Variants in NEGR1 observed in about 807,000 individuals in gnomAD.
NEGR1 encodes IgLON family member 4.
A neutral mutation model predicts 40.9 loss-of-function variants in NEGR1; 10 were observed. The ratio of observed to expected loss-of-function variants is 0.24; its 90% confidence interval spans 0.15 to 0.42. NEGR1 has a LOEUF of 0.42. NEGR1 is among the 10% of genes least tolerant of loss of function. The pLI is 1.00. For synonymous variants in NEGR1, 185 were observed against 166.8 expected (o/e 1.11, Z -0.84); for missense variants, 352 against 438.9 (o/e 0.80, Z 1.77).
intron 1 of NEGR1, among the ~76,000 whole-genome samples, chr1:72,077,494 T>TA (rs1251723290): frequency 3.3e-5 from 5 of 152,066 alleles, no homozygotes; most frequent in Admixed American, 1.3e-4. Context: ...ATAATTACTT[T>TA]AAAATTGTAT....
intron 1 of NEGR1, among the ~76,000 whole-genome samples, chr1:72,179,893 A>G (rs563296859): frequency 6.6e-6 from 1 of 152,214 alleles, no homozygotes; most frequent in African/African-American, 2.4e-5. Context: ...GAAGAAATAT[A>G]TAAATGGAAA....
intron 4 of NEGR1, among the ~76,000 whole-genome samples, chr1:71,676,192 T>TTG (rs1046505710): frequency 2.0e-5 from 3 of 152,122 alleles, no homozygotes; most frequent in Non-Finnish European, 2.9e-5. Context: ...AGGACACTTT[T>TTG]TGTGTGTGTG....
intron 5 of NEGR1, among the ~76,000 whole-genome samples, chr1:71,609,830 T>G (rs565796640): frequency 6.0e-4 from 91 of 152,308 alleles, no homozygotes; most frequent in African/African-American, 2.1e-3. Context: ...GAATTTAATT[T>G]GAATTGTAAT....
chr1:72,052,634 T>C lies in NEGR1; in HGVS notation c.177-117323A>G, dbSNP rs542145097. Among the ~76,000 whole-genome samples, 533 of 151,622 alleles carry C rather than the reference T, an allele frequency of 3.5e-3. 5 individuals are homozygous for C. The highest frequency in any genetic ancestry group is 5.4e-3 in the Non-Finnish European group (367 of 67,608). Reference sequence around the variant, plus strand: ...ATATTCAAGCAGGTGTCTTATCAAATAAATTAATTTTGAACAAAGTCAAAG... The same window carrying C: ...ATATTCAAGCAGGTGTCTTATCAAACAAATTAATTTTGAACAAAGTCAAAG... On this transcript the variant is annotated intron_variant, in intron 1 of 6. Coordinates refer to ENST00000357731, the MANE Select transcript of NEGR1 (RefSeq NM_173808.3).
At chr1:72,277,948 T>C (rs1012923578) in intron 1 of NEGR1, among the ~76,000 whole-genome samples, 1 of 152,166 alleles carries the variant, frequency 6.6e-6, no homozygotes, top group Non-Finnish European at 1.5e-5. Context: ...ATTTATTTTA[T>C]TGTAACTAAC....
At chr1:71,690,284 G>T (rs182893659) in intron 4 of NEGR1, among the ~76,000 whole-genome samples, 157 of 151,942 alleles carry the variant, frequency 1.0e-3, no homozygotes, top group Middle Eastern at 6.8e-3. Flanking sequence ...TGGCTTAAAA[G>T]AATTCAATCC....
At chr1:71,814,592 T>G (rs1201050188) in intron 2 of NEGR1, among the ~76,000 whole-genome samples, 1 of 152,086 alleles carries the variant, frequency 6.6e-6, no homozygotes, top group African/African-American at 2.4e-5. Flanking sequence ...TTTCAGAACT[T>G]ATTATTGGTC....
At chr1:72,041,482 T>A (rs959018103) in intron 1 of NEGR1, among the ~76,000 whole-genome samples, 8 of 150,074 alleles carry the variant, frequency 5.3e-5, no homozygotes, top group Non-Finnish European at 1.2e-4. Flanking sequence ...AAAGTGGGAG[T>A]TTTCTGTCTT....
chr1:71,908,510 C>G (rs1363371143), intron 2 of NEGR1, among the ~76,000 whole-genome samples: 2 of 152,066 alleles, frequency 1.3e-5, no homozygotes, highest in Admixed American at 6.6e-5. Flanking sequence ...GATCTTAGCA[C>G]CAATCTAACG....
chr1:72,176,397 T>C (rs1011207039), intron 1 of NEGR1, among the ~76,000 whole-genome samples: 1 of 152,102 alleles, frequency 6.6e-6, no homozygotes, highest in Non-Finnish European at 1.5e-5. Context: ...CTTAAGACTT[T>C]GCCATCAATA....
intron 6 of NEGR1, among the ~76,000 whole-genome samples, chr1:71,576,625 C>A (rs574369430): frequency 1.3e-5 from 2 of 152,274 alleles, no homozygotes; most frequent in Admixed American, 1.3e-4. Context: ...TCTATCATAT[C>A]CTTTTCCTAT....
chr1:71,751,920 G>T (rs1349752514), intron 3 of NEGR1, among the ~76,000 whole-genome samples: 4 of 152,184 alleles, frequency 2.6e-5, no homozygotes, highest in Non-Finnish European at 4.4e-5. Flanking sequence ...ATGAGAATAT[G>T]AAATTTTAAA....
chr1:71,776,889 A>C (rs1464171063), intron 2 of NEGR1, among the ~76,000 whole-genome samples: 3 of 152,110 alleles, frequency 2.0e-5, no homozygotes, highest in Non-Finnish European at 4.4e-5. Flanking sequence ...AGGTGGATAC[A>C]ATAAAGTTTT....
intron 1 of NEGR1, among the ~76,000 whole-genome samples, chr1:72,219,589 G>A (rs1653943571): frequency 6.6e-6 from 1 of 151,984 alleles, no homozygotes; most frequent in African/African-American, 2.4e-5. Flanking sequence ...ATTTTAGAAA[G>A]TTGTCTGTCT....
intron 2 of NEGR1, among the ~76,000 whole-genome samples, chr1:71,800,136 A>G (rs1302594429): frequency 6.6e-6 from 1 of 152,160 alleles, no homozygotes; most frequent in Admixed American, 6.5e-5. Context: ...TTGGCTGCAT[A>G]AATGTCTTCT....
chr1:72,203,895 G>C (rs1479591468), intron 1 of NEGR1, among the ~76,000 whole-genome samples: 1 of 152,070 alleles, frequency 6.6e-6, no homozygotes, highest in Non-Finnish European at 1.5e-5. Flanking sequence ...TAGCAATAAA[G>C]CAATTAATAA....
intron 2 of NEGR1, among the ~76,000 whole-genome samples, chr1:71,920,384 A>G (rs977828918): frequency 3.3e-5 from 5 of 152,146 alleles, no homozygotes; most frequent in African/African-American, 1.2e-4. Context: ...CCTAAGAGTA[A>G]CTTTCAAGCA....
intron 1 of NEGR1, among the ~76,000 whole-genome samples, chr1:72,113,966 T>C (rs183121508): frequency 6.6e-6 from 1 of 151,872 alleles, no homozygotes; most frequent in African/African-American, 2.4e-5. Context: ...TACTTTTCTA[T>C]GTATAAACAC....
chr1:71,745,239 A>G (rs1655345181), intron 3 of NEGR1, among the ~76,000 whole-genome samples: 1 of 152,150 alleles, frequency 6.6e-6, no homozygotes, highest in Admixed American at 6.5e-5. Context: ...TCTGATGCAA[A>G]CTATAAACCA....
Sources: gnomAD v4.1 joint callset for allele counts (sites outside exome capture counted in the v4.1 genomes callset) on GRCh38, gnomAD v4.1.1 for gene constraint, MANE v1.5 for transcripts, NCBI Gene and HGNC (gene_info 2026-07-23, HGNC 2026-07-21) for gene names.